The following PLCH2 variants were observed in gnomAD, a reference collection of about 807,000 sequenced individuals.
PLCH2 encodes the protein phospholipase C eta 2.
In PLCH2, 98 loss-of-function variants were observed where a neutral mutation model predicts 134.7. The observed-to-expected ratio is 0.73, with a 90% confidence interval of 0.62 to 0.86. The LOEUF (loss-of-function observed/expected upper bound fraction) is 0.86, where lower values mean the gene tolerates loss of function less well. Among genes scored for constraint, PLCH2 ranks in the 40% least tolerant of loss-of-function variants. PLCH2 has a pLI of 0.00. For missense variants in PLCH2, 1,994 were observed against 1,986.6 expected, an observed-to-expected ratio of 1.00 and a Z score of -0.07; for synonymous variants, 974 against 827.5, an observed-to-expected ratio of 1.18 and a Z score of -3.04.
At chr1:2,445,409 G>T (rs1639895350) in intron 2 of PLCH2, among the ~76,000 whole-genome samples, 1 of 152,222 alleles carries the variant, frequency 6.6e-6, no homozygotes, top group African/African-American at 2.4e-5. Context: ...CCTGGGCAGT[G>T]GTCGGGGAAC....
chr1:2,454,049 AC>A (rs1051570907), intron 2 of PLCH2, among the ~76,000 whole-genome samples: 36 of 151,030 alleles, frequency 2.4e-4, no homozygotes, highest in Non-Finnish European at 4.1e-4. Context: ...GCCGCAAGCC[AC>A]CCCCACCCCG....
chr1:2,467,256 A>C (rs963489230), upstream of PLCH2, among the ~76,000 whole-genome samples: 5 of 152,110 alleles, frequency 3.3e-5, no homozygotes, highest in African/African-American at 1.2e-4. Flanking sequence ...GCCAGCAGCC[A>C]ACCCGCCTCC....
At chr1:2,479,638 A>T in intron 2 of PLCH2, 96 bp from the exon 3 acceptor site, 1 of 1,321,244 alleles carries the variant, frequency 7.6e-7, no homozygotes, top group Non-Finnish European at 1.0e-6. Context: ...GTGGGCAAGG[A>T]GCTCCCGGCT....
Position 2,448,840 on chromosome 1 carries a change from A to G in PLCH2, c.115+18211A>G, listed in dbSNP as rs10910076. Among the ~76,000 whole-genome samples the G allele has an allele frequency of 0.058, 8,851 of 152,138 alleles. 913 individuals carry two copies. Among genetic ancestry groups the G allele is most frequent in the African/African-American group, 0.2 (8,380 of 41,494 alleles). On this transcript the variant is annotated intron_variant, in intron 2 of 3. Coordinates refer to the PLCH2 transcript ENST00000609981. The surrounding 1 kb of genome is among the most constrained non-coding windows in gnomAD (Gnocchi z 4.0). ...TGGAGGCCTGGACGGGCCTCACTCC[A>G]TTCTTAGGGAGCGGCTGCTCCTGGT...
upstream of PLCH2, among the ~76,000 whole-genome samples, chr1:2,423,688 C>T (rs1480438028): frequency 6.6e-6 from 1 of 152,146 alleles, no homozygotes; most frequent in East Asian, 1.9e-4. Context: ...AGGTCCTTCC[C>T]ACCAGCTGGC....
Position 2,478,847 on chromosome 1 carries a change from C to T in PLCH2, c.271+225C>T, listed in dbSNP as rs191270170. 1.8e-4 allele frequency among the ~76,000 whole-genome samples: 27 copies of T among 152,212 alleles called. No individual in the cohort carries two copies. The East Asian group carries it at 3.7e-3, about 21-fold the overall frequency. ...GAGCTCCCTGGGACTCAGTGAGGAC[C>T]GAGTAGCACTGTGCCCAGCCCTGTG... is the stretch of plus-strand genomic sequence containing the variant. On this transcript the variant is annotated intron_variant, in intron 2 of 21. Coordinates refer to ENST00000378486, the MANE Select transcript of PLCH2 (RefSeq NM_014638.4).
intron 2 of PLCH2, among the ~76,000 whole-genome samples, chr1:2,452,861 T>A (rs1395354620): frequency 6.6e-6 from 1 of 152,204 alleles, no homozygotes; most frequent in Non-Finnish European, 1.5e-5. Flanking sequence ...GTGCCTTTGT[T>A]GCCCGGAGCT....
At chr1:2,446,043 G>A (rs12731555) in intron 2 of PLCH2, among the ~76,000 whole-genome samples, 1 of 139,514 alleles carries the variant, frequency 7.2e-6, no homozygotes, top group African/African-American at 2.7e-5. Flanking sequence ...CCGACGGGAG[G>A]GGGGCTGAGG....
intron 1 of PLCH2, among the ~76,000 whole-genome samples, chr1:2,467,920 C>G: frequency 6.6e-6 from 1 of 152,230 alleles, no homozygotes; most frequent in Non-Finnish European, 1.5e-5. Context: ...CACCCTGCCT[C>G]ATCTGCCCCT....
intron 2 of PLCH2, among the ~76,000 whole-genome samples, chr1:2,458,902 G>A (rs1298030767): frequency 6.6e-6 from 1 of 152,254 alleles, no homozygotes; most frequent in East Asian, 1.9e-4. Context: ...GCGCTGTGAT[G>A]TGTGCTTGGC....
chr1:2,497,399 C>T (rs1158508088), intron 15 of PLCH2, 103 bp from the exon 16 acceptor site: 29 of 750,282 alleles, frequency 3.9e-5, no homozygotes, highest in Middle Eastern at 2.8e-4. Flanking sequence ...ACGGCAGATA[C>T]GCGGCAGCTG....
intron 2 of PLCH2, among the ~76,000 whole-genome samples, chr1:2,456,286 C>T (rs1024142491): frequency 9.2e-5 from 14 of 152,332 alleles, no homozygotes; most frequent in East Asian, 5.8e-4. Context: ...CCCCCCAGTT[C>T]GTCCCCTGGG....
chr1:2,450,157 G>T (rs1640123767), intron 2 of PLCH2, among the ~76,000 whole-genome samples: 1 of 152,206 alleles, frequency 6.6e-6, no homozygotes, highest in African/African-American at 2.4e-5. Context: ...TTCATCCGTT[G>T]CTGTCCCCTT....
Position 2,491,259 on chromosome 1 carries a change from C to G in PLCH2, c.1583C>G (p.Ser528Trp). The G allele has an allele frequency of 1.9e-6, 3 of 1,613,290 alleles. No homozygotes were observed. Among genetic ancestry groups the G allele is most frequent in the Non-Finnish European group, 2.5e-6 (3 of 1,179,794 alleles). Residue 528 changes from serine (S) to tryptophan (W), a missense_variant, in exon 11 of 22, where the codon TCG becomes TGG. Transcript: ENST00000378486. ...KRKLDSLIKESKIRDCEDPNN... is the reference protein window; with the variant it reads ...KRKLDSLIKEWKIRDCEDPNN... ...AAACTGGATTCCCTCATCAAAGAGT[C>G]GAAGATTCGGGACTGTGAGGACCCC...
intron 2 of PLCH2, among the ~76,000 whole-genome samples, chr1:2,451,796 C>G (rs749871946): frequency 2.0e-5 from 3 of 152,180 alleles, no homozygotes; most frequent in African/African-American, 4.8e-5. Context: ...CTCTTGGCCC[C>G]AGCCCTGCCC....
intron 10 of PLCH2, among the ~76,000 whole-genome samples, chr1:2,490,281 C>T (rs896041166): frequency 2.6e-5 from 4 of 152,194 alleles, no homozygotes; most frequent in Admixed American, 6.5e-5. Context: ...TGGCTGGACG[C>T]TGGGTGGCTG....
rs1481410356 is a variant in PLCH2, at chr1:2,476,687, T to C, written c.99T>C (p.Ser33=). The change falls in exon 1 of 22, where the codon TCT becomes TCC. Residue 33 remains serine, a synonymous_variant. Transcript: ENST00000378486. Reference sequence around the variant, plus strand: ...GGGTTGGAGGGAGTGTGGTGCTGTCTTCAGAGTGGCAGCTCGGCCCCCTGG... The same window carrying C: ...GGGTTGGAGGGAGTGTGGTGCTGTCCTCAGAGTGGCAGCTCGGCCCCCTGG... The part of the protein sequence containing the change: ...LLWVGGSVVL[S]SEWQLGPLVE... 1 of 1,610,248 alleles carries C rather than the reference T, an allele frequency of 6.2e-7. No homozygotes were observed. The highest frequency in any genetic ancestry group is 8.5e-7 in the Non-Finnish European group (1 of 1,178,930).
intron 2 of PLCH2, among the ~76,000 whole-genome samples, chr1:2,445,457 G>A (rs1390370659): frequency 6.6e-6 from 1 of 151,134 alleles, no homozygotes; most frequent in African/African-American, 2.4e-5. Flanking sequence ...TAGAAGACTC[G>A]GGGCTCGGGG....
At chr1:2,488,748 T>C (rs932849602) in intron 8 of PLCH2, among the ~76,000 whole-genome samples, 1 of 152,190 alleles carries the variant, frequency 6.6e-6, no homozygotes, top group African/African-American at 2.4e-5. Flanking sequence ...TATGTCTCCT[T>C]CTTTATGGGA....
Sources: allele counts gnomAD v4.1 joint callset (sites outside exome capture counted in the v4.1 genomes callset), GRCh38; gene constraint gnomAD v4.1.1; non-coding constraint Gnocchi (gnomAD v3.1); transcripts MANE v1.5; gene names NCBI Gene and HGNC (gene_info 2026-07-23, HGNC 2026-07-21).